Variants in ZMYM6 observed in about 807,000 individuals in gnomAD.
The protein encoded by ZMYM6 is zinc finger MYM-type protein 6.
A neutral mutation model predicts 134.0 loss-of-function variants in ZMYM6; 90 were observed. That is an observed-to-expected ratio of 0.67 (90% CI 0.57 to 0.80). The LOEUF (loss-of-function observed/expected upper bound fraction) is 0.80, where lower values mean the gene tolerates loss of function less well. Ranked by LOEUF, ZMYM6 falls within the 30% of genes least tolerant of loss-of-function variation. The pLI, the probability that ZMYM6 is intolerant of heterozygous loss-of-function variation, is 0.00. For synonymous variants in ZMYM6, 481 were observed against 524.1 expected, an observed-to-expected ratio of 0.92 and a Z score of 1.12; for missense variants, 1,362 against 1,533.9, an observed-to-expected ratio of 0.89 and a Z score of 1.87.
intron 4 of ZMYM6, among the ~76,000 whole-genome samples, chr1:35,015,785 A>G (rs903539107): frequency 6.7e-6 from 1 of 148,242 alleles, no homozygotes; most frequent in African/African-American, 2.5e-5. Flanking sequence ...TGCTGAAGAC[A>G]AAAATAGGAA....
At chr1:35,019,705 C>CAGAAAA in intron 3 of ZMYM6, 103 bp from the exon 4 acceptor site, 2 of 1,352,180 alleles carry the variant, frequency 1.5e-6, no homozygotes, top group Non-Finnish European at 9.8e-7. Context: ...GACACGGTCT[C>CAGAAAA]ACTGTCACCC....
rs771501891 is a variant in ZMYM6 at position 35,019,398 on chromosome 1, G to C, written c.383C>G (p.Ala128Gly). 2.5e-6 allele frequency: 4 copies of C among 1,614,062 alleles called. No homozygotes were observed. In the Admixed American group the frequency reaches 5.0e-5, roughly 20 times the overall value. Reference sequence around the variant, plus strand: ...TTTCTTGGGAGGAGGTGGCAGGCAGGCAGGTGAAGAATGTCTGGTGATGCA... The same window carrying C: ...TTTCTTGGGAGGAGGTGGCAGGCAGCCAGGTGAAGAATGTCTGGTGATGCA... ...TRCITRHSSP[A>G]CLPPPPKKTC... Residue 128 changes from alanine (A) to glycine (G), a missense_variant, in exon 4 of 16, where the codon GCC becomes GGC. Physicochemically the swap from Ala to Gly is moderately conservative, Grantham distance 60 (BLOSUM62 0). Coordinates refer to ENST00000357182, the MANE Select transcript of ZMYM6 (RefSeq NM_007167.4).
chr1:35,000,426 A>G (rs941445358), intron 14 of ZMYM6, among the ~76,000 whole-genome samples: 2 of 151,348 alleles, frequency 1.3e-5, no homozygotes, highest in African/African-American at 4.9e-5. Context: ...TTCAGTAGAG[A>G]TGGGGTTTTG....
chr1:34,993,935 T>C (rs963785859), intron 14 of ZMYM6, among the ~76,000 whole-genome samples: 3 of 152,034 alleles, frequency 2.0e-5, no homozygotes, highest in African/African-American at 2.4e-5. Flanking sequence ...TCCACCCACC[T>C]TGGCCTCCCA....
intron 4 of ZMYM6, among the ~76,000 whole-genome samples, chr1:35,015,945 C>CT (rs10715166): frequency 2.8e-3 from 374 of 134,114 alleles, no homozygotes; most frequent in East Asian, 4.3e-3. Context: ...TTTTTTCTTT[C>CT]TTTTTTTTTT....
intron 4 of ZMYM6, chr1:35,018,181 A>G (rs1641238424): frequency 6.6e-6 from 1 of 152,190 alleles, no homozygotes; most frequent in African/African-American, 2.4e-5. Flanking sequence ...CATCTCTACA[A>G]AAAAATACAA....
chr1:34,994,233 C>T (rs1174325999), intron 14 of ZMYM6, among the ~76,000 whole-genome samples: 1 of 152,028 alleles, frequency 6.6e-6, no homozygotes, highest in African/African-American at 2.4e-5. Flanking sequence ...AAAAAATAAA[C>T]AAGTAAAACA....
chr1:34,991,760 A>G (rs76278317), intron 15 of ZMYM6, among the ~76,000 whole-genome samples: 12,017 of 152,130 alleles, frequency 0.079, 908 homozygotes, highest in East Asian at 0.38. Context: ...ACAAGAGTGA[A>G]ACTCCATCTC....
At position 34,986,704 on chromosome 1, in the gene ZMYM6, C is replaced by G. The variant is rs982546077; in HGVS notation, c.*400G>C. 1.3e-5 allele frequency: 2 copies of G among 152,996 alleles called. No individual in the cohort carries two copies. The highest frequency in any genetic ancestry group is 4.8e-5 in the African/African-American group (2 of 41,450). 9.5% of individuals were successfully genotyped at this position (152,996 alleles called of 1,614,324 possible). ...CAGCCTGGGCAACAAGAGCAAAACTCCATCTCAAAAAAAAGATCTATCTTT... is the reference window on the plus strand; with the variant it reads ...CAGCCTGGGCAACAAGAGCAAAACTGCATCTCAAAAAAAAGATCTATCTTT... On this transcript the variant is annotated 3_prime_UTR_variant, in exon 16 of 16. Transcript: ENST00000357182.
intron 14 of ZMYM6, among the ~76,000 whole-genome samples, chr1:34,997,624 T>C (rs1335204875): frequency 6.6e-6 from 1 of 152,168 alleles, no homozygotes; most frequent in East Asian, 1.9e-4. Context: ...TCTTTACATA[T>C]TAAAAAACAC....
chr1:35,015,743 A>AAAAAAAAAAAATATATAT, intron 4 of ZMYM6, among the ~76,000 whole-genome samples: 3 of 106,464 alleles, frequency 2.8e-5, no homozygotes, highest in African/African-American at 2.0e-4. Context: ...AAAAAAAAAA[A>AAAAAAAAAAAATATATAT]ATATATATAT....
At chr1:35,027,528 TG>T (rs1557591041) in intron 2 of ZMYM6, among the ~76,000 whole-genome samples, 1 of 151,944 alleles carries the variant, frequency 6.6e-6, no homozygotes. Flanking sequence ...GCAGGAGGAT[TG>T]CTTGAGGTCA....
chr1:34,992,727 ATATACT>A (rs1354732360), intron 14 of ZMYM6, among the ~76,000 whole-genome samples: 1 of 142,192 alleles, frequency 7.0e-6, no homozygotes, highest in Non-Finnish European at 1.5e-5. Flanking sequence ...AAAAATAAAA[ATATACT>A]TATAAACTAT....
At chr1:34,989,760 C>T (rs1315081752) in intron 15 of ZMYM6, 1 of 152,088 alleles carries the variant, frequency 6.6e-6, no homozygotes, top group Non-Finnish European at 1.5e-5. Context: ...ATTAGCCAGG[C>T]ATGGTGGTAC....
intron 14 of ZMYM6, among the ~76,000 whole-genome samples, chr1:35,000,009 G>A (rs1640852843): frequency 6.6e-6 from 1 of 151,976 alleles, no homozygotes; most frequent in South Asian, 2.1e-4. Flanking sequence ...GCTCACCGCG[G>A]CCTTGACCTA....
At chr1:35,004,313 G>A (rs960715895) in intron 13 of ZMYM6, among the ~76,000 whole-genome samples, 1 of 152,178 alleles carries the variant, frequency 6.6e-6, no homozygotes, top group Non-Finnish European at 1.5e-5. Context: ...TGGCTCAAGA[G>A]CCTGCCTGAT....
intron 15 of ZMYM6, chr1:34,989,606 A>T (rs1005574136): frequency 1.3e-5 from 2 of 151,962 alleles, no homozygotes; most frequent in Non-Finnish European, 2.9e-5. Context: ...TTTTTTAAAG[A>T]AAAAGAAAAA....
chr1:34,988,192 A>G lies in ZMYM6; in HGVS notation c.2890T>C (p.Tyr964His). ...GFEIFELINKYIDSKSLNWKH... is the reference protein window; with the variant it reads ...GFEIFELINKHIDSKSLNWKH... ...CAATTCAGAGATTTACTATCAATAT[A>G]TTTATTTATTAGTTCAAATATTTCA... Residue 964 changes from tyrosine (Y) to histidine (H), a missense_variant, in exon 16 of 16, where the codon TAT becomes CAT. Physicochemically the swap from Tyr to His is moderately conservative, Grantham distance 83. Around this residue, in one of 3 missense-constraint regions of ZMYM6, gnomAD observed 824 missense variants for 940.9 expected, o/e 0.88. Transcript: ENST00000357182. 1 of 1,548,574 alleles carries G rather than the reference A, an allele frequency of 6.5e-7. No individual in the cohort carries two copies. The highest frequency in any genetic ancestry group is 8.7e-7 in the Non-Finnish European group (1 of 1,145,556).
Position 35,011,927 on chromosome 1 carries a change from T to C in ZMYM6, c.1025A>G (p.Tyr342Cys), listed in dbSNP as rs1361705409. ...YHLAMSNGTIYSFCSSSCVVA... is the reference protein window; with the variant it reads ...YHLAMSNGTICSFCSSSCVVA... ...CACACAACTGGAGCTGCAGAAGCTG[T>C]ATATAGTTCCATTTGACATGGCTAG... The change falls in exon 8 of 16, where the codon TAC becomes TGC. Residue 342 changes from tyrosine to cysteine, a missense_variant. Transcript: ENST00000357182. 1 of 1,610,300 alleles carries C rather than the reference T, an allele frequency of 6.2e-7. No individual in the cohort carries two copies. The highest frequency in any genetic ancestry group is 8.5e-7 in the Non-Finnish European group (1 of 1,177,732).
Sources: allele counts gnomAD v4.1 joint callset (sites outside exome capture counted in the v4.1 genomes callset), GRCh38; gene constraint gnomAD v4.1.1; regional missense constraint gnomAD v4.1.1; transcripts MANE v1.5; gene names NCBI Gene and HGNC (gene_info 2026-07-23, HGNC 2026-07-21).